HEMK2: variants seen among roughly 807,000 people sequenced by gnomAD.
HEMK2 encodes the protein methyltransferase HEMK2.
chr21:28,746,852 C>T, the HEMK2 span, among the ~76,000 whole-genome samples: 1 of 152,132 alleles, frequency 6.6e-6, no homozygotes, highest in Non-Finnish European at 1.5e-5. Context: ...GAGCCAAACA[C>T]AGCCACAGCA....
the HEMK2 span, among the ~76,000 whole-genome samples, chr21:28,809,599 G>GC: frequency 3.9e-5 from 6 of 152,168 alleles, no homozygotes; most frequent in African/African-American, 1.4e-4. Context: ...CATTTAAAAT[G>GC]CAACAGCTGG....
the HEMK2 span, among the ~76,000 whole-genome samples, chr21:28,694,844 A>G: frequency 1.3e-5 from 2 of 152,046 alleles, no homozygotes; most frequent in Non-Finnish European, 2.9e-5. Flanking sequence ...TAAAAATACA[A>G]AAAATTAGCC....
chr21:28,738,368 T>C, the HEMK2 span, among the ~76,000 whole-genome samples: 35,250 of 152,108 alleles, frequency 0.23, 4,777 homozygotes, highest in African/African-American at 0.36. Context: ...TGGGAGAAGG[T>C]GTTGGCAACC....
chr21:28,657,591 C>CA, the HEMK2 span, among the ~76,000 whole-genome samples: 7 of 151,998 alleles, frequency 4.6e-5, no homozygotes, highest in Non-Finnish European at 8.8e-5. Flanking sequence ...AAAGACAAAA[C>CA]AAAAAAACCT....
chr21:28,868,547 G>A, the HEMK2 span, among the ~76,000 whole-genome samples: 1 of 152,096 alleles, frequency 6.6e-6, no homozygotes, highest in Admixed American at 6.6e-5. Flanking sequence ...AGCTGGTTGT[G>A]GTGGTGCACA....
the HEMK2 span, among the ~76,000 whole-genome samples, chr21:28,786,917 G>GA: frequency 6.6e-6 from 1 of 152,098 alleles, no homozygotes; most frequent in Admixed American, 6.5e-5. Flanking sequence ...CACAGAGTTA[G>GA]AAAAAACAGT....
At chr21:28,790,720 T>A in the HEMK2 span, among the ~76,000 whole-genome samples, 2 of 151,370 alleles carry the variant, frequency 1.3e-5, no homozygotes, top group Admixed American at 6.6e-5. Context: ...TTGAGAACAT[T>A]TTGGAAATAG....
the HEMK2 span, among the ~76,000 whole-genome samples, chr21:28,617,733 C>A: frequency 6.7e-6 from 1 of 149,674 alleles, no homozygotes; most frequent in Non-Finnish European, 1.5e-5. Context: ...CTGGAAACAG[C>A]AAAATAAGAA....
chr21:28,701,906 G>A, the HEMK2 span, among the ~76,000 whole-genome samples: 4 of 152,062 alleles, frequency 2.6e-5, no homozygotes, highest in African/African-American at 9.6e-5. Flanking sequence ...TAAACTAGAG[G>A]CATCACATTT....
the HEMK2 span, among the ~76,000 whole-genome samples, chr21:28,868,859 C>T: frequency 1.3e-5 from 2 of 152,178 alleles, no homozygotes. Context: ...CAGGCAACCA[C>T]TTTCCTAAGC....
chr21:28,799,169 G>T, the HEMK2 span, among the ~76,000 whole-genome samples: 1 of 152,144 alleles, frequency 6.6e-6, no homozygotes, highest in South Asian at 2.1e-4. Flanking sequence ...ACCCAAGACT[G>T]GGCAATTTAC....
the HEMK2 span, among the ~76,000 whole-genome samples, chr21:28,757,648 C>G: frequency 6.6e-6 from 1 of 152,200 alleles, no homozygotes; most frequent in Admixed American, 6.5e-5. Flanking sequence ...TGCTACACAA[C>G]AATCGACAGC....
chr21:28,688,954 G>A, the HEMK2 span, among the ~76,000 whole-genome samples: 1 of 152,082 alleles, frequency 6.6e-6, no homozygotes, highest in African/African-American at 2.4e-5. Flanking sequence ...ATGCTGTCAG[G>A]CTACAATGGC....
the HEMK2 span, among the ~76,000 whole-genome samples, chr21:28,762,157 C>T: frequency 6.6e-6 from 1 of 152,088 alleles, no homozygotes; most frequent in East Asian, 1.9e-4. Context: ...GAGAGGAATG[C>T]TGCCTGGGTG....
At chr21:28,837,762 G>A in the HEMK2 span, among the ~76,000 whole-genome samples, 4 of 152,054 alleles carry the variant, frequency 2.6e-5, no homozygotes, top group Non-Finnish European at 5.9e-5. Flanking sequence ...CTGGCTCTTT[G>A]AAAAGATAAA....
the HEMK2 span, among the ~76,000 whole-genome samples, chr21:28,783,062 T>C: frequency 1.2e-3 from 181 of 152,338 alleles, no homozygotes; most frequent in African/African-American, 4.2e-3. Context: ...AGAAGTATTT[T>C]GGATTTTGGA....
chr21:28,880,928 TAAAAAAAA>T, the HEMK2 span, among the ~76,000 whole-genome samples: 236 of 104,442 alleles, frequency 2.3e-3, 5 homozygotes, highest in African/African-American at 9.9e-3. Flanking sequence ...ATCATTTATT[TAAAAAAAA>T]AAAAAAAAAA....
chr21:28,610,149 G>A, the HEMK2 span, among the ~76,000 whole-genome samples: 1 of 152,186 alleles, frequency 6.6e-6, no homozygotes, highest in African/African-American at 2.4e-5. Context: ...CTTAAGAGCT[G>A]TGAGGCAAAA....
At chr21:28,675,561 A>C in the HEMK2 span, among the ~76,000 whole-genome samples, 1 of 152,238 alleles carries the variant, frequency 6.6e-6, no homozygotes, top group Non-Finnish European at 1.5e-5. Context: ...GGAACATTTT[A>C]ACCTTGCTCA....
Sources: gnomAD v4.1 joint callset for allele counts (sites outside exome capture counted in the v4.1 genomes callset) on GRCh38, gnomAD v4.1.1 for gene constraint, MANE v1.5 for transcripts, NCBI Gene and HGNC (gene_info 2026-07-23, HGNC 2026-07-21) for gene names.